Variants in PHACTR2 observed in about 807,000 individuals in gnomAD.
The protein encoded by PHACTR2 is phosphatase and actin regulator 2.
In PHACTR2, 30 loss-of-function variants were observed where a neutral mutation model predicts 76.0. The ratio of observed to expected loss-of-function variants is 0.39; its 90% confidence interval spans 0.30 to 0.54. The LOEUF (loss-of-function observed/expected upper bound fraction) is 0.54. Ranked by LOEUF, PHACTR2 falls within the 20% of genes least tolerant of loss-of-function variation. The pLI is 0.61. For synonymous variants in PHACTR2, 292 were observed against 292.5 expected (o/e 1.00, Z 0.02); for missense variants, 696 against 781.1 (o/e 0.89, Z 1.30).
At chr6:143,542,407 T>C (rs1337420417) in intron 1 of PHACTR2, among the ~76,000 whole-genome samples, 1 of 152,196 alleles carries the variant, frequency 6.6e-6, no homozygotes, top group Non-Finnish European at 1.5e-5. Flanking sequence ...AAAATTGGCT[T>C]CACCTGTTAA....
chr6:143,718,029 A>G (rs1281258604), intron 2 of PHACTR2, among the ~76,000 whole-genome samples: 1 of 152,218 alleles, frequency 6.6e-6, no homozygotes, highest in Non-Finnish European at 1.5e-5. Flanking sequence ...TCCTTATTTA[A>G]AAGTAAGTTA....
rs1193557157 is a variant in PHACTR2 at position 143,777,541 on chromosome 6, A to AT, written c.1645+165dup. Among the ~76,000 whole-genome samples, 1 of 152,212 alleles carries AT rather than the reference A, an allele frequency of 6.6e-6. No individual in the cohort carries two copies. The highest frequency in any genetic ancestry group is 1.9e-4 in the East Asian group (1 of 5,176). On this transcript the variant is annotated intron_variant, in intron 9 of 12. Coordinates refer to ENST00000440869, the MANE Select transcript of PHACTR2 (RefSeq NM_001100164.2). The surrounding 1 kb of genome is among the most constrained non-coding windows in gnomAD (Gnocchi z 4.6). ...CACATTTATATGTAATTGTTTATAT[A>AT]TTTTTTTAATTTCTTGAATTTGATA...
Position 143,558,964 on chromosome 6 carries a change from G to A in PHACTR2, c.217+21757G>A, listed in dbSNP as rs190278322. Among the ~76,000 whole-genome samples, 376 of 151,896 alleles carry A rather than the reference G, an allele frequency of 2.5e-3. 4 individuals are homozygous for A. Among genetic ancestry groups the A allele is most frequent in the Non-Finnish European group, 2.4e-3 (160 of 68,032 alleles). On this transcript the variant is annotated intron_variant, in intron 1 of 11. Coordinates refer to the PHACTR2 transcript ENST00000367584. This position sits in a 1 kb window ranked among gnomAD's most constrained non-coding sequence, Gnocchi z 4.7. ...TGGGAGAAGGGGAGATCTGTTACAA[G>A]TGCACTGAAAGGGTCTCTCCAGACA...
intron 1 of PHACTR2, among the ~76,000 whole-genome samples, chr6:143,667,491 T>G (rs540067866): frequency 1.3e-5 from 2 of 152,248 alleles, no homozygotes; most frequent in Non-Finnish European, 2.9e-5. Context: ...ATGATATTGA[T>G]TCTTCCTATC....
At chr6:143,797,837 C>T (rs1775861891) in intron 11 of PHACTR2, among the ~76,000 whole-genome samples, 1 of 152,168 alleles carries the variant, frequency 6.6e-6, no homozygotes, top group Admixed American at 6.5e-5. Context: ...AGCAAGATGC[C>T]TCCAGCTTTG....
chr6:143,704,857 C>G (rs1778009655), intron 1 of PHACTR2, among the ~76,000 whole-genome samples: 1 of 152,182 alleles, frequency 6.6e-6, no homozygotes, highest in Non-Finnish European at 1.5e-5. Context: ...GAGATGGGAT[C>G]TCGCTCAGTT....
intron 11 of PHACTR2, among the ~76,000 whole-genome samples, chr6:143,805,474 C>T (rs1172163416): frequency 7.7e-5 from 9 of 116,906 alleles, no homozygotes; most frequent in Non-Finnish European, 1.6e-4. Context: ...AGTGAAACTC[C>T]GTCTCAAAAA....
rs181570641 is a variant in PHACTR2, at chr6:143,581,025, A to G, written c.217+43818A>G. ...AGAACACCTACACATCAGGAGCTCAAAAACAGATATATTCTTTAAATGTCT... is the reference window on the plus strand; with the variant it reads ...AGAACACCTACACATCAGGAGCTCAGAAACAGATATATTCTTTAAATGTCT... On this transcript the variant is annotated intron_variant, in intron 1 of 11. Coordinates refer to the PHACTR2 transcript ENST00000367584. The surrounding 1 kb of genome is among the most constrained non-coding windows in gnomAD (Gnocchi z 4.5). 1.3e-5 allele frequency among the ~76,000 whole-genome samples: 2 copies of G among 152,346 alleles called. No individual in the cohort carries two copies. The highest frequency in any genetic ancestry group is 1.9e-4 in the East Asian group (1 of 5,184).
intron 2 of PHACTR2, among the ~76,000 whole-genome samples, chr6:143,737,220 A>T (rs888409137): frequency 6.6e-6 from 1 of 151,404 alleles, no homozygotes; most frequent in African/African-American, 2.4e-5. Flanking sequence ...CATATTCTAG[A>T]CCTCTTAAGA....
chr6:143,725,301 T>C (rs904296037), intron 2 of PHACTR2, among the ~76,000 whole-genome samples: 8 of 145,370 alleles, frequency 5.5e-5, no homozygotes, highest in Non-Finnish European at 9.0e-5. Flanking sequence ...CCTGGGTTCA[T>C]GACATTCTCC....
intron 1 of PHACTR2, among the ~76,000 whole-genome samples, chr6:143,626,567 A>G (rs964122299): frequency 2.6e-5 from 4 of 151,808 alleles, no homozygotes; most frequent in African/African-American, 9.7e-5. Context: ...ACAAAACTGC[A>G]TTGTTATCAG....
In PHACTR2 at chr6:143,780,630, C is replaced by A. The variant is rs1269575341; in HGVS notation, c.1646-2589C>A. Among the ~76,000 whole-genome samples, 2 of 152,300 alleles carry A rather than the reference C, an allele frequency of 1.3e-5. No individual in the cohort carries two copies. Among genetic ancestry groups the A allele is most frequent in the South Asian group, 2.1e-4 (1 of 4,826 alleles). On this transcript the variant is annotated intron_variant, in intron 9 of 12. Coordinates refer to ENST00000440869, the MANE Select transcript of PHACTR2 (RefSeq NM_001100164.2). This position sits in a 1 kb window ranked among gnomAD's most constrained non-coding sequence, Gnocchi z 4.4. ...CTTCTTTTAGCTCATCCACAAAATT[C>A]TCTGGGTAACATTGCTCGCTAGGCG...
In PHACTR2 at chr6:143,549,653, T is replaced by A. The variant is rs995812449; in HGVS notation, c.217+12446T>A. ...AACCTGCCTTGTACATTAAAATCTG[T>A]AAGCAAATGTCCCTGTTCCACCTCC... On this transcript the variant is annotated intron_variant, in intron 1 of 11. Coordinates refer to the PHACTR2 transcript ENST00000367584. The surrounding 1 kb of genome is among the most constrained non-coding windows in gnomAD (Gnocchi z 4.2). Among the ~76,000 whole-genome samples, 2 of 151,990 alleles carry A rather than the reference T, an allele frequency of 1.3e-5. No homozygotes were observed. Among genetic ancestry groups the A allele is most frequent in the African/African-American group, 2.4e-5 (1 of 41,400 alleles).
chr6:143,619,029 A>T lies in PHACTR2; in HGVS notation c.13+10707A>T, dbSNP rs950440477. On this transcript the variant is annotated intron_variant, in intron 1 of 11. Transcript: ENST00000305766. This position sits in a 1 kb window ranked among gnomAD's most constrained non-coding sequence, Gnocchi z 4.5. ...TCTTTTATTGTGTGCTACTACTTATATAGAAACTCTGAATTAATTCTTACT... is the reference window on the plus strand; with the variant it reads ...TCTTTTATTGTGTGCTACTACTTATTTAGAAACTCTGAATTAATTCTTACT... Among the ~76,000 whole-genome samples the T allele has an allele frequency of 3.3e-5, 5 of 152,166 alleles. No homozygotes were observed.
chr6:143,655,777 T>A (rs1776838745), intron 1 of PHACTR2, among the ~76,000 whole-genome samples: 1 of 152,230 alleles, frequency 6.6e-6, no homozygotes, highest in Non-Finnish European at 1.5e-5. Flanking sequence ...TACCACATAC[T>A]TGCTATTATC....
Position 143,648,037 on chromosome 6 carries a change from T to C in PHACTR2, c.13+39715T>C, listed in dbSNP as rs1776690787. ...GGATCCTGCCGTGACCCGAGAGAGA[T>C]GTATGGCTGCGACAGAGCCACAACA... is the stretch of plus-strand genomic sequence containing the variant. On this transcript the variant is annotated intron_variant, in intron 1 of 11. Coordinates refer to the PHACTR2 transcript ENST00000305766. The surrounding 1 kb of genome is among the most constrained non-coding windows in gnomAD (Gnocchi z 6.7). Among the ~76,000 whole-genome samples the C allele has an allele frequency of 6.6e-6, 1 of 151,958 alleles. No homozygotes were observed. The highest frequency in any genetic ancestry group is 1.5e-5 in the Non-Finnish European group (1 of 67,994).
At chr6:143,594,317 T>C (rs1775724925) in intron 1 of PHACTR2, among the ~76,000 whole-genome samples, 1 of 152,218 alleles carries the variant, frequency 6.6e-6, no homozygotes, top group Admixed American at 6.5e-5. Context: ...TGAAAACCAT[T>C]GACATTGCAT....
At chr6:143,587,594 G>C (rs2128433896) in intron 1 of PHACTR2, among the ~76,000 whole-genome samples, 1 of 152,246 alleles carries the variant, frequency 6.6e-6, no homozygotes, top group African/African-American at 2.4e-5. Flanking sequence ...AAAAAGGTGA[G>C]ATAGTTTTTT....
At chr6:143,670,928 C>T (rs1353427973) in intron 1 of PHACTR2, among the ~76,000 whole-genome samples, 1 of 145,654 alleles carries the variant, frequency 6.9e-6, no homozygotes, top group Non-Finnish European at 1.5e-5. Context: ...AGGCCAAGGC[C>T]TTTTTTTTTT....
Sources: gnomAD v4.1 joint callset for allele counts (sites outside exome capture counted in the v4.1 genomes callset) on GRCh38, gnomAD v4.1.1 for gene constraint, Gnocchi (gnomAD v3.1) non-coding constraint, MANE v1.5 for transcripts, NCBI Gene and HGNC (gene_info 2026-07-23, HGNC 2026-07-21) for gene names.